The following CLVS1 variants were observed in gnomAD, a reference collection of about 807,000 sequenced individuals.
CLVS1 encodes the protein clavesin 1.
CLVS1 carries 10 observed loss-of-function variants against 33.1 expected under a neutral mutation model. The observed-to-expected ratio is 0.30, with a 90% CI of 0.19 to 0.51. The LOEUF (loss-of-function observed/expected upper bound fraction) is 0.51. Among genes scored for constraint, CLVS1 ranks in the 20% least tolerant of loss-of-function variants. CLVS1 has a pLI of 0.97. For synonymous variants in CLVS1, 163 were observed against 166.1 expected (o/e 0.98, Z 0.14); for missense variants, 343 against 433.4 (o/e 0.79, Z 1.85).
intron 3 of CLVS1, among the ~76,000 whole-genome samples, chr8:61,447,463 C>T (rs938723547): frequency 3.3e-5 from 5 of 151,238 alleles, no homozygotes; most frequent in African/African-American, 9.7e-5. Flanking sequence ...TCTATTTTGT[C>T]TTTCCTGCCT....
At chr8:61,442,208 G>A (rs1209740833) in intron 3 of CLVS1, among the ~76,000 whole-genome samples, 2 of 152,070 alleles carry the variant, frequency 1.3e-5, no homozygotes, top group Admixed American at 6.6e-5. Context: ...TGTAATTTTG[G>A]GGGGATTTCC....
At chr8:61,418,694 T>C (rs1250654746) in intron 3 of CLVS1, among the ~76,000 whole-genome samples, 1 of 152,200 alleles carries the variant, frequency 6.6e-6, no homozygotes, top group African/African-American at 2.4e-5. Flanking sequence ...AAGAGCTTGA[T>C]AAATTGTAGT....
chr8:61,214,145 T>A (rs1808035938), intron 2 of CLVS1, among the ~76,000 whole-genome samples: 3 of 152,214 alleles, frequency 2.0e-5, no homozygotes, highest in Admixed American at 6.5e-5. Flanking sequence ...ATGTTATCAA[T>A]GACAATGGTG....
At chr8:61,084,322 A>G (rs1000484384) in intron 1 of CLVS1, among the ~76,000 whole-genome samples, 1 of 152,178 alleles carries the variant, frequency 6.6e-6, no homozygotes, top group African/African-American at 2.4e-5. Flanking sequence ...ACCTGAAGAA[A>G]ACCAACATCA....
chr8:61,481,382 C>T (rs1259830153), intron 5 of CLVS1, among the ~76,000 whole-genome samples: 1 of 147,872 alleles, frequency 6.8e-6, no homozygotes, highest in Non-Finnish European at 1.5e-5. Flanking sequence ...GGGTGCAGCC[C>T]ACAGAATAGA....
At chr8:61,160,564 T>G (rs1322215199) in intron 2 of CLVS1, among the ~76,000 whole-genome samples, 2 of 152,194 alleles carry the variant, frequency 1.3e-5, no homozygotes, top group Non-Finnish European at 2.9e-5. Flanking sequence ...TATCCCCACC[T>G]ACCCTTTTCC....
At chr8:61,042,574 C>T in the CLVS1 span, among the ~76,000 whole-genome samples, 1 of 100,648 alleles carries the variant, frequency 9.9e-6, no homozygotes, top group Non-Finnish European at 1.8e-5. Flanking sequence ...CTGTTATTGC[C>T]CACCTCCCAA....
At chr8:61,192,877 C>T (rs1241617250) in intron 2 of CLVS1, among the ~76,000 whole-genome samples, 1 of 151,946 alleles carries the variant, frequency 6.6e-6, no homozygotes, top group Non-Finnish European at 1.5e-5. Context: ...ACAGCAGGTG[C>T]TGGAGAGGAC....
intron 2 of CLVS1, among the ~76,000 whole-genome samples, chr8:61,360,031 A>T (rs1230246504): frequency 6.6e-6 from 1 of 152,050 alleles, no homozygotes; most frequent in Non-Finnish European, 1.5e-5. Flanking sequence ...GCAACTTGCA[A>T]CTCTACAGAG....
At chr8:61,454,336 C>T (rs529075091) in intron 4 of CLVS1, 85 bp downstream of exon 4, 1 of 969,250 alleles carries the variant, frequency 1.0e-6, no homozygotes, top group Non-Finnish European at 1.7e-6. Context: ...TCCTTTCCCC[C>T]CTTTTTCTCT....
At chr8:61,379,098 G>C (rs1813764511) in intron 3 of CLVS1, among the ~76,000 whole-genome samples, 1 of 152,202 alleles carries the variant, frequency 6.6e-6, no homozygotes, top group African/African-American at 2.4e-5. Context: ...TGCACCCTCA[G>C]AGAGACCTGA....
intron 3 of CLVS1, among the ~76,000 whole-genome samples, chr8:61,385,582 A>C (rs987310626): frequency 1.3e-5 from 2 of 152,250 alleles, no homozygotes; most frequent in Admixed American, 6.5e-5. Flanking sequence ...GGGCATTTAC[A>C]TAACAGGACA....
chr8:61,146,328 A>G (rs1459678000), intron 2 of CLVS1, among the ~76,000 whole-genome samples: 2 of 152,326 alleles, frequency 1.3e-5, no homozygotes, highest in South Asian at 2.1e-4. Flanking sequence ...ACCCCTATTT[A>G]GTAAGGATTA....
chr8:61,199,116 T>C (rs893828581), intron 2 of CLVS1, among the ~76,000 whole-genome samples: 3 of 152,208 alleles, frequency 2.0e-5, no homozygotes, highest in African/African-American at 7.2e-5. Context: ...ATGGTAGGCC[T>C]ATTTTTAGTT....
intron 2 of CLVS1, among the ~76,000 whole-genome samples, chr8:61,151,255 G>A (rs1346344553): frequency 4.6e-5 from 7 of 152,236 alleles, no homozygotes; most frequent in East Asian, 3.9e-4. Context: ...AGAAGATATT[G>A]CAATAAACAA....
the CLVS1 span, among the ~76,000 whole-genome samples, chr8:61,046,242 G>A: frequency 1.4e-5 from 2 of 147,878 alleles, no homozygotes; most frequent in African/African-American, 5.2e-5. Context: ...TTATTAAATA[G>A]GGAATCCTTT....
chr8:61,218,991 A>T (rs1743885815), intron 2 of CLVS1, among the ~76,000 whole-genome samples: 1 of 152,124 alleles, frequency 6.6e-6, no homozygotes, highest in African/African-American at 2.4e-5. Flanking sequence ...GGTACTCACA[A>T]TTGTTGGGAG....
intron 2 of CLVS1, among the ~76,000 whole-genome samples, chr8:61,368,280 A>G (rs1245639424): frequency 6.6e-6 from 1 of 152,198 alleles, no homozygotes; most frequent in African/African-American, 2.4e-5. Flanking sequence ...TAAAAGCTTT[A>G]GTTTCAGTGT....
At chr8:61,252,813 CT>C (rs1231704413) in intron 2 of CLVS1, among the ~76,000 whole-genome samples, 1 of 152,146 alleles carries the variant, frequency 6.6e-6, no homozygotes, top group Non-Finnish European at 1.5e-5. Flanking sequence ...CTATGTGTGT[CT>C]TTAAACGTGA....
Sources: gnomAD v4.1 joint callset for allele counts (sites outside exome capture counted in the v4.1 genomes callset) on GRCh38, gnomAD v4.1.1 for gene constraint, MANE v1.5 for transcripts, NCBI Gene and HGNC (gene_info 2026-07-23, HGNC 2026-07-21) for gene names.